The following KRT18 variants were observed in gnomAD, a reference collection of about 807,000 sequenced individuals.
KRT18 encodes keratin, type I cytoskeletal 18.
Under a neutral mutation model 39.9 loss-of-function variants are expected in KRT18, and 8 were observed. That is an observed-to-expected ratio of 0.20 (90% confidence interval 0.12 to 0.36). The LOEUF is 0.36. Ranked by LOEUF, KRT18 falls within the 10% of genes least tolerant of loss-of-function variation. The pLI is 1.00. For missense variants in KRT18, 396 were observed against 565.7 expected, an observed-to-expected ratio of 0.70 and a Z score of 3.04; for synonymous variants, 194 against 227.8, an observed-to-expected ratio of 0.85 and a Z score of 1.33.
intron 3 of KRT18, 125 bp downstream of exon 3, chr12:52,951,031 C>A: frequency 1.1e-6 from 1 of 909,940 alleles, no homozygotes; most frequent in Non-Finnish European, 1.6e-6. Flanking sequence ...AGCCTGGGCT[C>A]TTCTTAAATA....
Position 52,950,512 on chromosome 12 carries a change from G to A in KRT18, c.500+102G>A, listed in dbSNP as rs1002074343. 60 of 907,150 alleles carry A rather than the reference G, an allele frequency of 6.6e-5. 1 individual carries two copies. In the Admixed American group the frequency reaches 1.0e-3, roughly 15 times the overall value. 56.2% of individuals were successfully genotyped at this position (907,150 alleles called of 1,614,324 possible). A position where few individuals can be genotyped will look rare whatever the true frequency, so the allele number is the denominator to read the frequency against. On this transcript the variant is annotated intron_variant, in intron 2 of 6. Coordinates refer to ENST00000388835, the MANE Select transcript of KRT18 (RefSeq NM_000224.3). ...GGGGCTCACAGTGGGATCCTGTTAGGTGTGGGTGGATGAGAGTCAGGGTCC... is the reference window on the plus strand; with the variant it reads ...GGGGCTCACAGTGGGATCCTGTTAGATGTGGGTGGATGAGAGTCAGGGTCC...
Position 52,950,378 on chromosome 12 carries a change from T to C in KRT18, c.468T>C (p.Asn156=), listed in dbSNP as rs765886766. 2 of 1,613,500 alleles carry C rather than the reference T, an allele frequency of 1.2e-6. No individual in the cohort carries two copies. The highest frequency in any genetic ancestry group is 2.2e-5 in the South Asian group (2 of 91,072). The change falls in exon 2 of 7, where the codon AAT becomes AAC. Residue 156 remains asparagine (N), a synonymous_variant. Transcript: ENST00000388835. ...CCCGCATCGTTCTGCAGATTGACAA[T>C]GCCCGTCTTGCTGCTGATGACTTTA... ...DNARIVLQID[N]ARLAADDFRV... is the part of the protein sequence containing the mutation.
In KRT18 at chr12:52,951,822, C is replaced by T. The variant is rs1457337517; in HGVS notation, c.914C>T (p.Ser305Phe). ...TLTELRRTVQ[S>F]LEIDLDSMRN... ...ACAGAGCTGAGACGTACAGTCCAGT[C>T]CTTGGAGATCGACCTGGACTCCATG... The change falls in exon 5 of 7, where the codon TCC (serine) becomes TTC (phenylalanine). Residue 305 changes from serine to phenylalanine, a missense_variant. Transcript: ENST00000388835. The T allele has an allele frequency of 6.2e-7, 1 of 1,608,786 alleles. No individual in the cohort carries two copies. The highest frequency in any genetic ancestry group is 8.5e-7 in the Non-Finnish European group (1 of 1,179,948).
chr12:52,952,026 A>G, intron 5 of KRT18, 93 bp from the exon 6 acceptor site: 1 of 1,293,562 alleles, frequency 7.7e-7, no homozygotes, highest in Non-Finnish European at 1.1e-6. Context: ...TACTTGGCAC[A>G]TAGCAGGTGC....
chr12:52,951,036 T>TA (rs1942477385), intron 3 of KRT18, 130 bp downstream of exon 3: 1 of 851,088 alleles, frequency 1.2e-6, no homozygotes. Flanking sequence ...GGGCTCTTCT[T>TA]AAATAAGACC....
At chr12:52,951,119 G>C (rs1942480065) in intron 3 of KRT18, among the ~76,000 whole-genome samples, 1 of 152,164 alleles carries the variant, frequency 6.6e-6, no homozygotes, top group South Asian at 2.1e-4. Context: ...AAATGATATG[G>C]GTTAGAAAAT....
Position 52,950,590 on chromosome 12 carries a change from T to C in KRT18, c.501-160T>C, listed in dbSNP as rs926715937. The C allele has an allele frequency of 3.6e-6, 3 of 832,086 alleles. No homozygotes were observed. In the Admixed American group the frequency reaches 6.0e-5, roughly 17 times the overall value. 51.5% of individuals were successfully genotyped at this position (832,086 alleles called of 1,614,324 possible). On this transcript the variant is annotated intron_variant, in intron 2 of 6. Coordinates refer to ENST00000388835, the MANE Select transcript of KRT18 (RefSeq NM_000224.3). ...TGTATAACCCCGTTTAAGAATACTGTCCTCCAAGTGCCAAGAATGGTGCTC... is the reference window on the plus strand; with the variant it reads ...TGTATAACCCCGTTTAAGAATACTGCCCTCCAAGTGCCAAGAATGGTGCTC...
chr12:52,948,981 GGGCCCGGGGCGGAGC>G (rs1400362563), upstream of KRT18: 10 of 477,884 alleles, frequency 2.1e-5, no homozygotes, highest in Middle Eastern at 5.3e-4. Context: ...CGCGGGGGTG[GGGCCCGGGGCGGAGC>G]GGCCCGGGGC....
Position 52,950,905 on chromosome 12 carries a change from A to C in KRT18, c.656A>C (p.Glu219Ala). The C allele has an allele frequency of 1.3e-6, 2 of 1,572,150 alleles. No individual in the cohort carries two copies. Among genetic ancestry groups the C allele is most frequent in the Non-Finnish European group, 1.7e-6 (2 of 1,161,064 alleles). ...CTCTTCATGAAGAAGAACCACGAAG[A>C]GGCAAGCAGGGGCCACTGGCCAGGC... is the stretch of plus-strand genomic sequence containing the variant. ...ELLFMKKNHE[E>A]EVKGLQAQIA... The change falls in exon 3 of 7, where the codon GAG (glutamate) becomes GCG (alanine). Residue 219 changes from glutamate (E) to alanine (A), a missense_variant and splice_region_variant. Transcript: ENST00000388835.
At chr12:52,950,986 C>G in intron 3 of KRT18, 80 bp downstream of exon 3, 1 of 1,337,356 alleles carries the variant, frequency 7.5e-7, no homozygotes, top group South Asian at 1.3e-5. Context: ...GACAAACCAA[C>G]TGCAAGTAGC....
rs1212956285 is a variant in KRT18 at position 52,951,495 on chromosome 12, A to G, written c.672A>G (p.Leu224=). 1.2e-6 allele frequency: 2 copies of G among 1,613,898 alleles called. No individual in the cohort carries two copies. The highest frequency in any genetic ancestry group is 8.5e-7 in the Non-Finnish European group (1 of 1,179,926). ...GTCACCTTTAGGAAGTAAAAGGCCT[A>G]CAAGCCCAGATTGCCAGCTCTGGGT... The part of the protein sequence containing the change: ...KKNHEEEVKG[L]QAQIASSGLT... Residue 224 remains leucine, a synonymous_variant, in exon 4 of 7, where the codon CTA becomes CTG. Transcript: ENST00000388835.
intron 1 of KRT18, chr12:52,950,123 A>T (rs986988653): frequency 2.6e-5 from 18 of 684,064 alleles, no homozygotes; most frequent in Admixed American, 1.2e-4. Context: ...GCTTCCCAAG[A>T]GGGGCAGAGT....
At position 52,950,794 on chromosome 12, in the gene KRT18, T is replaced by C. The variant is rs762675185; in HGVS notation, c.545T>C (p.Ile182Thr). 1.9e-6 allele frequency: 3 copies of C among 1,611,106 alleles called. No homozygotes were observed. In the East Asian group the frequency reaches 6.7e-5, roughly 36 times the overall value. ...LAMRQSVEND[I>T]HGLRKVIDDT... The stretch of plus-strand genomic sequence containing the variant: ...ATGCGCCAGTCTGTGGAGAACGACA[T>C]CCATGGGCTCCGCAAGGTCATTGAT... Residue 182 changes from isoleucine (I) to threonine (T), a missense_variant, in exon 3 of 7, where the codon ATC (isoleucine) becomes ACC (threonine). By Grantham distance (89) the Ile-to-Thr change is moderately conservative (BLOSUM62 -1). Coordinates refer to ENST00000388835, the MANE Select transcript of KRT18 (RefSeq NM_000224.3).
intron 5 of KRT18, 96 bp from the exon 6 acceptor site, chr12:52,952,023 C>A: frequency 7.7e-7 from 1 of 1,300,578 alleles, no homozygotes; most frequent in East Asian, 2.4e-5. Flanking sequence ...CAGTACTTGG[C>A]ACATAGCAGG....
chr12:52,951,694 G>A (rs375016847), intron 4 of KRT18, 37 bp from the exon 5 acceptor site: 32 of 1,613,008 alleles, frequency 2.0e-5, no homozygotes, highest in Admixed American at 1.2e-4. Flanking sequence ...GGAGGCAGAC[G>A]GAATGAGGGG....
intron 3 of KRT18, 135 bp from the exon 4 acceptor site, chr12:52,951,346 C>A: frequency 2.3e-6 from 2 of 887,336 alleles, no homozygotes; most frequent in South Asian, 1.4e-5. Context: ...ACTGGCATTG[C>A]CCTGAGTGCA....
At chr12:52,949,777 G>T (rs1487581899) in intron 1 of KRT18, 187 bp downstream of exon 1, 6 of 716,798 alleles carry the variant, frequency 8.4e-6, no homozygotes, top group Middle Eastern at 2.3e-4. Flanking sequence ...GCATGGGAGG[G>T]CTCTTTCCCA....
At chr12:52,949,028 G>C (rs1942405413), upstream of KRT18, 1 of 753,808 alleles carries the variant, frequency 1.3e-6, no homozygotes, top group Non-Finnish European at 2.2e-6. Context: ...GCTCCGAGCC[G>C]TCCACCTGTG....
chr12:52,952,872 G>T lies in KRT18; in HGVS notation c.*30G>T. 6.3e-7 allele frequency: 1 copy of T among 1,596,322 alleles called. No individual in the cohort carries two copies. The highest frequency in any genetic ancestry group is 1.9e-4 in the Middle Eastern group (1 of 5,300). The stretch of plus-strand genomic sequence containing the variant: ...GCAGAAGCAGGGTACCCTTTGGGGA[G>T]CAGGAGGCCAATAAAAAGTTCAGAG... On this transcript the variant is annotated 3_prime_UTR_variant, in exon 7 of 7. Coordinates refer to ENST00000388835, the MANE Select transcript of KRT18 (RefSeq NM_000224.3).
Sources: gnomAD v4.1 joint callset for allele counts (sites outside exome capture counted in the v4.1 genomes callset) on GRCh38, gnomAD v4.1.1 for gene constraint, MANE v1.5 for transcripts, NCBI Gene and HGNC (gene_info 2026-07-23, HGNC 2026-07-21) for gene names.